The following KIF16B variants were observed in gnomAD, a reference collection of about 807,000 sequenced individuals.
KIF16B encodes kinesin-like protein KIF16B.
Under a neutral mutation model 156.3 loss-of-function variants are expected in KIF16B, and 98 were observed. The observed-to-expected ratio is 0.63, with a 90% CI of 0.53 to 0.74. The LOEUF is 0.74. Ranked by LOEUF, KIF16B falls within the 30% of genes least tolerant of loss-of-function variation. The pLI is 0.00. For synonymous variants in KIF16B, 564 were observed against 583.7 expected (o/e 0.97, Z 0.49); for missense variants, 1,421 against 1,606.5 (o/e 0.88, Z 1.97).
chr20:16,408,319 C>T (rs1489721274), intron 15 of KIF16B, among the ~76,000 whole-genome samples: 1 of 152,156 alleles, frequency 6.6e-6, no homozygotes, highest in African/African-American at 2.4e-5. Flanking sequence ...ATATTATCCA[C>T]TCTACAATTT....
chr20:16,491,835 T>C (rs1438079950), intron 12 of KIF16B, among the ~76,000 whole-genome samples: 3 of 152,168 alleles, frequency 2.0e-5, no homozygotes, highest in Non-Finnish European at 2.9e-5. Flanking sequence ...GACCGTGGAT[T>C]CCACTCACGC....
In KIF16B at chr20:16,546,563, T is replaced by A. The variant is rs187847045; in HGVS notation, c.48-18123A>T. On this transcript the variant is annotated intron_variant, in intron 1 of 25. Coordinates refer to ENST00000354981, the MANE Select transcript of KIF16B (RefSeq NM_024704.5). ...TAACCTTTCTGACCCTTTCCCAAAA[T>A]AGGTGCAAGTGGAATCTAGAAAATA... 5.4e-3 allele frequency among the ~76,000 whole-genome samples: 827 copies of A among 152,252 alleles called. 6 individuals are homozygous for A. The highest frequency in any genetic ancestry group is 8.7e-3 in the Non-Finnish European group (590 of 68,010).
chr20:16,375,121 T>C (rs1292178092), intron 19 of KIF16B, among the ~76,000 whole-genome samples: 1 of 152,146 alleles, frequency 6.6e-6, no homozygotes, highest in Non-Finnish European at 1.5e-5. Flanking sequence ...GTCAAATGTG[T>C]GTAAGGTCAT....
chr20:16,499,097 C>T (rs2146964896), intron 10 of KIF16B, among the ~76,000 whole-genome samples: 1 of 152,216 alleles, frequency 6.6e-6, no homozygotes, highest in East Asian at 1.9e-4. Context: ...CTTTGGCCTT[C>T]CTGAGTAACC....
intron 10 of KIF16B, among the ~76,000 whole-genome samples, chr20:16,503,981 A>G (rs556398390): frequency 6.6e-6 from 1 of 152,324 alleles, no homozygotes; most frequent in African/African-American, 2.4e-5. Flanking sequence ...AGGTGTTCAA[A>G]CAAGTCTTTT....
intron 1 of KIF16B, among the ~76,000 whole-genome samples, chr20:16,553,269 T>C (rs923298406): frequency 2.0e-5 from 3 of 152,194 alleles, no homozygotes; most frequent in Admixed American, 6.5e-5. Flanking sequence ...CCCTCAGTGC[T>C]GATGTCCTCT....
rs182966570 is a variant in KIF16B, at chr20:16,472,494, A to G, written c.1302+21797T>C. 3.2e-4 allele frequency among the ~76,000 whole-genome samples: 48 copies of G among 150,774 alleles called. No homozygotes were observed. The East Asian group carries it at 8.4e-3, about 26-fold the overall frequency. Reference sequence around the variant, plus strand: ...GGGTAGGAGCAGGGAGGACAACATAACCCTAACGTCATGTAACTGTACTGG... The same window carrying G: ...GGGTAGGAGCAGGGAGGACAACATAGCCCTAACGTCATGTAACTGTACTGG... On this transcript the variant is annotated intron_variant, in intron 12 of 25. Coordinates refer to ENST00000354981, the MANE Select transcript of KIF16B (RefSeq NM_024704.5).
intron 25 of KIF16B, among the ~76,000 whole-genome samples, chr20:16,281,989 G>A (rs2122341571): frequency 6.6e-6 from 1 of 151,408 alleles, no homozygotes; most frequent in Middle Eastern, 3.5e-3. Flanking sequence ...ACACACCAGT[G>A]TTGGGCTAGG....
At chr20:16,570,725 T>G (rs1042696479) in intron 1 of KIF16B, among the ~76,000 whole-genome samples, 2 of 152,164 alleles carry the variant, frequency 1.3e-5, no homozygotes, top group Admixed American at 1.3e-4. Context: ...CTGGCAATAT[T>G]TGACACTAAC....
rs570656971 is a variant in KIF16B, at chr20:16,348,183, C to T, written c.3621+8147G>A. ...CAAAAATAACAGTAGATTTTGAAAA[C>T]AGGCAAGGATTTGAAAACGACCATT... On this transcript the variant is annotated intron_variant, in intron 23 of 25. Transcript: ENST00000354981. 1.2e-3 allele frequency among the ~76,000 whole-genome samples: 182 copies of T among 152,300 alleles called. 1 individual carries two copies. Among genetic ancestry groups the T allele is most frequent in the African/African-American group, 3.9e-3 (164 of 41,556 alleles).
chr20:16,449,586 T>C (rs1306814752), intron 12 of KIF16B, among the ~76,000 whole-genome samples: 1 of 151,892 alleles, frequency 6.6e-6, no homozygotes, highest in Non-Finnish European at 1.5e-5. Flanking sequence ...AGAATAGAGG[T>C]GGGAGATGGT....
intron 6 of KIF16B, among the ~76,000 whole-genome samples, chr20:16,510,586 T>C (rs2068927484): frequency 6.6e-6 from 1 of 151,982 alleles, no homozygotes; most frequent in South Asian, 2.1e-4. Flanking sequence ...GAGACAGAGG[T>C]TGCCATGAGC....
At chr20:16,330,374 G>A (rs1361353514) in intron 24 of KIF16B, among the ~76,000 whole-genome samples, 2 of 152,184 alleles carry the variant, frequency 1.3e-5, no homozygotes, top group African/African-American at 2.4e-5. Context: ...GATGGTTAAG[G>A]AATTCTTAAA....
chr20:16,362,494 A>G (rs1329360042), intron 22 of KIF16B, among the ~76,000 whole-genome samples: 2 of 152,216 alleles, frequency 1.3e-5, no homozygotes, highest in Non-Finnish European at 1.5e-5. Context: ...AAGAAAACAA[A>G]TTTACAGGTC....
intron 23 of KIF16B, among the ~76,000 whole-genome samples, chr20:16,346,049 A>C (rs1235990152): frequency 1.3e-5 from 2 of 152,220 alleles, no homozygotes; most frequent in African/African-American, 2.4e-5. Flanking sequence ...ACACAAGGCA[A>C]GGGAACAGTT....
intron 11 of KIF16B, among the ~76,000 whole-genome samples, chr20:16,497,254 G>C (rs530341477): frequency 6.6e-6 from 1 of 152,178 alleles, no homozygotes; most frequent in Non-Finnish European, 1.5e-5. Flanking sequence ...CTAAAGGGTG[G>C]TCATTGTTGA....
intron 24 of KIF16B, among the ~76,000 whole-genome samples, chr20:16,327,006 T>C (rs1223915938): frequency 6.7e-6 from 1 of 149,556 alleles, no homozygotes; most frequent in Non-Finnish European, 1.5e-5. Flanking sequence ...TGTATGTGTA[T>C]GCATATATGT....
chr20:16,440,954 T>C (rs976326598), intron 12 of KIF16B, among the ~76,000 whole-genome samples: 3 of 152,188 alleles, frequency 2.0e-5, no homozygotes, highest in Non-Finnish European at 2.9e-5. Flanking sequence ...AAATGCATAA[T>C]ACCAATTAAA....
Position 16,512,911 on chromosome 20 carries a change from A to G in KIF16B, c.361T>C (p.Leu121=), listed in dbSNP as rs1392963014. 5.0e-6 allele frequency: 8 copies of G among 1,609,894 alleles called. No individual in the cohort carries two copies. Among genetic ancestry groups the G allele is most frequent in the Non-Finnish European group, 6.0e-6 (7 of 1,176,276 alleles). ...AGTCCTTCACAGATCCGAGGTATTAAGCCAGAATCTCCCTGCATGGGAAAG... is the reference window on the plus strand; with the variant it reads ...AGTCCTTCACAGATCCGAGGTATTAGGCCAGAATCTCCCTGCATGGGAAAG... ...TMMGNSGDSG[L]IPRICEGLFS... is the part of the protein sequence containing the mutation. The change falls in exon 5 of 26, where the codon TTA becomes CTA. Residue 121 remains leucine (L), a synonymous_variant. Coordinates refer to ENST00000354981, the MANE Select transcript of KIF16B (RefSeq NM_024704.5).
Sources: gnomAD v4.1 joint callset for allele counts (sites outside exome capture counted in the v4.1 genomes callset) on GRCh38, gnomAD v4.1.1 for gene constraint, MANE v1.5 for transcripts, NCBI Gene and HGNC (gene_info 2026-07-23, HGNC 2026-07-21) for gene names.